The following WWP1 variants were observed in gnomAD, a reference collection of about 807,000 sequenced individuals.
WWP1 encodes NEDD4-like E3 ubiquitin-protein ligase WWP1.
In WWP1, 49 loss-of-function variants were observed where a neutral mutation model predicts 130.6. The observed-to-expected ratio is 0.38, with a 90% confidence interval of 0.30 to 0.48. The LOEUF (loss-of-function observed/expected upper bound fraction) is 0.48. Ranked by LOEUF, WWP1 falls within the 20% of genes least tolerant of loss-of-function variation. WWP1 has a pLI of 0.99. For synonymous variants in WWP1, 332 were observed against 367.8 expected (o/e 0.90, Z 1.11); for missense variants, 809 against 1,100.6 (o/e 0.74, Z 3.75).
intron 2 of WWP1, 103 bp from the exon 3 acceptor site, chr8:86,373,927 A>C (rs1824478744): frequency 2.5e-6 from 2 of 805,138 alleles, no homozygotes; most frequent in Admixed American, 5.6e-5. Flanking sequence ...ATTTTCATGT[A>C]CTTTTTGAGA....
chr8:86,438,288 G>T (rs984192404), intron 16 of WWP1, among the ~76,000 whole-genome samples: 1 of 152,200 alleles, frequency 6.6e-6, no homozygotes, highest in Non-Finnish European at 1.5e-5. Context: ...TGTCTCAGGG[G>T]TGGCAGAGGC....
intron 8 of WWP1, chr8:86,405,022 C>A (rs565536623): frequency 6.6e-6 from 1 of 152,262 alleles, no homozygotes; most frequent in African/African-American, 2.4e-5. Flanking sequence ...TTCTATTGGC[C>A]GGTTTACAGA....
chr8:86,372,049 A>T (rs1316268575), intron 2 of WWP1, among the ~76,000 whole-genome samples: 1 of 77,180 alleles, frequency 1.3e-5, no homozygotes, highest in African/African-American at 5.4e-5. Context: ...TTTGAGACGG[A>T]GTTTCGCTCT....
Position 86,448,164 on chromosome 8 carries a change from A to G in WWP1, c.2015A>G (p.Lys672Arg), listed in dbSNP as rs915199270. The G allele has an allele frequency of 2.6e-6, 4 of 1,555,200 alleles. No individual in the cohort carries two copies. Among genetic ancestry groups the G allele is most frequent in the Non-Finnish European group, 8.6e-7 (1 of 1,164,306 alleles). ...RFIAMALFHG[K>R]FIDTGFSLPF... ...TCTTTGCAGGCACTATTTCATGGAAAGTTTATCGATACTGGTTTCTCTTTA... is the reference window on the plus strand; with the variant it reads ...TCTTTGCAGGCACTATTTCATGGAAGGTTTATCGATACTGGTTTCTCTTTA... The change falls in exon 19 of 25, where the codon AAG becomes AGG. Residue 672 changes from lysine (K) to arginine (R), a missense_variant. By Grantham distance (26) the Lys-to-Arg change is conservative. Coordinates refer to ENST00000517970, the MANE Select transcript of WWP1 (RefSeq NM_007013.4).
intron 18 of WWP1, 113 bp downstream of exon 18, chr8:86,442,891 T>C: frequency 8.5e-7 from 1 of 1,182,032 alleles, no homozygotes; most frequent in East Asian, 2.7e-5. Flanking sequence ...CAAGTTTTGT[T>C]ACCAAGAAAG....
chr8:86,438,589 T>C lies in WWP1; in HGVS notation c.1754T>C (p.Met585Thr), dbSNP rs754435365. Residue 585 changes from methionine (M) to threonine (T), a missense_variant, in exon 17 of 25, where the codon ATG becomes ACG. This residue lies in a region of WWP1 where 450 missense variants were observed against 674.2 expected (regional missense o/e 0.67). Transcript: ENST00000517970. Reference protein sequence around the residue: ...TLFEDSFQQIMALKPYDLRRR... With the variant: ...TLFEDSFQQITALKPYDLRRR... ...CATGTTTTTGTTTTTAATTAGATTA[T>C]GGCATTAAAACCCTATGACTTGAGG... 3.1e-6 allele frequency: 5 copies of C among 1,596,748 alleles called. No individual in the cohort carries two copies. The South Asian group carries it at 4.6e-5, about 15-fold the overall frequency.
intron 14 of WWP1, among the ~76,000 whole-genome samples, chr8:86,432,446 T>C (rs1810034882): frequency 6.6e-6 from 1 of 152,112 alleles, no homozygotes; most frequent in Non-Finnish European, 1.5e-5. Context: ...ACTTTTCTAC[T>C]TAATTGCTCC....
intron 4 of WWP1, 146 bp downstream of exon 4, chr8:86,381,010 G>A: frequency 8.8e-7 from 1 of 1,131,160 alleles, no homozygotes; most frequent in Non-Finnish European, 1.2e-6. Flanking sequence ...GAAATTTTTG[G>A]TTAAATTTTT....
At chr8:86,465,567 AG>A (rs1351933161) in intron 24 of WWP1, among the ~76,000 whole-genome samples, 2 of 152,248 alleles carry the variant, frequency 1.3e-5, no homozygotes, top group African/African-American at 4.8e-5. Flanking sequence ...TGGGAGGTCG[AG>A]GTCGCAGTGA....
chr8:86,343,959 C>CA (rs1260730792), intron 1 of WWP1, among the ~76,000 whole-genome samples: 2 of 150,668 alleles, frequency 1.3e-5, no homozygotes, highest in Non-Finnish European at 2.9e-5. Flanking sequence ...CAGTTACCTG[C>CA]ATTTTTTTTT....
intron 18 of WWP1, among the ~76,000 whole-genome samples, chr8:86,445,814 C>A (rs1437955641): frequency 6.6e-6 from 1 of 151,860 alleles, no homozygotes; most frequent in Non-Finnish European, 1.5e-5. Flanking sequence ...TTGCCAACAT[C>A]TGTTATTTTT....
At chr8:86,385,551 C>T (rs1334892296) in intron 5 of WWP1, among the ~76,000 whole-genome samples, 1 of 151,980 alleles carries the variant, frequency 6.6e-6, no homozygotes, top group East Asian at 1.9e-4. Context: ...TCCTTGAAGG[C>T]AGATTACAAT....
At chr8:86,373,993 A>T in intron 2 of WWP1, 37 bp from the exon 3 acceptor site, 1 of 1,477,652 alleles carries the variant, frequency 6.8e-7, no homozygotes, top group South Asian at 1.2e-5. Context: ...ACAAACTCTT[A>T]TCTAACACAT....
At position 86,377,058 on chromosome 8, in the gene WWP1, T is replaced by C. The variant is rs188049387; in HGVS notation, c.70+2938T>C. ...TCTTAGGACTCCAAGTTGTTGCTCC[T>C]TTTATTAGATTACAAAGACCTCTGT... On this transcript the variant is annotated intron_variant, in intron 3 of 24. Transcript: ENST00000517970. 3.9e-5 allele frequency among the ~76,000 whole-genome samples: 6 copies of C among 152,160 alleles called. No homozygotes were observed. The East Asian group carries it at 9.7e-4, about 25-fold the overall frequency.
In WWP1 at chr8:86,362,824, C is replaced by T. The variant is rs113437733; in HGVS notation, c.-114-6115C>T. Reference sequence around the variant, plus strand: ...CATCAGAAATTATTTAAAATAAAAGCTGGGATTAGTATCTCAAAAGCACCT... The same window carrying T: ...CATCAGAAATTATTTAAAATAAAAGTTGGGATTAGTATCTCAAAAGCACCT... On this transcript the variant is annotated intron_variant, in intron 1 of 24. Transcript: ENST00000517970. Among the ~76,000 whole-genome samples the T allele has an allele frequency of 5.8e-3, 878 of 152,210 alleles. 5 individuals carry two copies. Among genetic ancestry groups the T allele is most frequent in the African/African-American group, 0.02 (817 of 41,542 alleles).
At position 86,467,039 on chromosome 8, in the gene WWP1, T is replaced by C. The variant is rs1449993362; in HGVS notation, c.*146T>C. On this transcript the variant is annotated 3_prime_UTR_variant, in exon 25 of 25. Transcript: ENST00000517970. ...TGTTTTCCGTTCTTCCACAGAAATA[T>C]GCAAAACAGTTCATCCTTTTCTACT... The C allele has an allele frequency of 6.4e-6, 4 of 622,418 alleles. No homozygotes were observed. Among genetic ancestry groups the C allele is most frequent in the East Asian group, 6.0e-5 (2 of 33,436 alleles). The allele number at this position is 622,418 out of a possible 1,614,324, so 38.6% of individuals were successfully genotyped here.
intron 1 of WWP1, among the ~76,000 whole-genome samples, chr8:86,350,531 G>C (rs1822854402): frequency 6.6e-6 from 1 of 152,210 alleles, no homozygotes; most frequent in South Asian, 2.1e-4. Context: ...TTGCGGGGAG[G>C]AGTTTGGTAA....
At chr8:86,400,814 G>T (rs1353975065) in intron 7 of WWP1, among the ~76,000 whole-genome samples, 1 of 152,182 alleles carries the variant, frequency 6.6e-6, no homozygotes, top group African/African-American at 2.4e-5. Context: ...ATAGGTTAGA[G>T]AGAAGATGGG....
intron 1 of WWP1, among the ~76,000 whole-genome samples, chr8:86,348,653 G>A (rs1822739997): frequency 2.0e-5 from 3 of 152,206 alleles, no homozygotes. Flanking sequence ...GGAACCTGGA[G>A]TTTAGTGGAA....
Sources: gnomAD v4.1 joint callset for allele counts (sites outside exome capture counted in the v4.1 genomes callset) on GRCh38, gnomAD v4.1.1 for gene constraint, gnomAD v4.1.1 regional missense constraint, MANE v1.5 for transcripts, NCBI Gene and HGNC (gene_info 2026-07-23, HGNC 2026-07-21) for gene names.